CHRM2: variants seen among roughly 807,000 people sequenced by gnomAD.
CHRM2 encodes the protein cholinergic receptor muscarinic 2.
In CHRM2, 8 loss-of-function variants were observed where a neutral mutation model predicts 25.0. The ratio of observed to expected loss-of-function variants is 0.32; its 90% CI spans 0.19 to 0.58. The LOEUF is 0.58. Among genes scored for constraint, CHRM2 ranks in the 20% least tolerant of loss-of-function variants. The pLI, the probability that CHRM2 is intolerant of heterozygous loss-of-function variation, is 0.88. For missense variants in CHRM2, 440 were observed against 567.1 expected, an observed-to-expected ratio of 0.78 and a Z score of 2.28; for synonymous variants, 202 against 205.7, an observed-to-expected ratio of 0.98 and a Z score of 0.15.
At chr7:137,008,377 TA>T (rs1804589857) in intron 3 of CHRM2, among the ~76,000 whole-genome samples, 1 of 152,124 alleles carries the variant, frequency 6.6e-6, no homozygotes, top group East Asian at 1.9e-4. Flanking sequence ...GCTATGTATC[TA>T]AACATAATAT....
At chr7:136,903,094 C>T (rs548975510) in intron 2 of CHRM2, 16 of 528,332 alleles carry the variant, frequency 3.0e-5, no homozygotes, top group African/African-American at 2.1e-4. Context: ...AACAGAAACT[C>T]ATTTGGGCTA....
intron 2 of CHRM2, among the ~76,000 whole-genome samples, chr7:136,917,592 G>A (rs73158726): frequency 0.047 from 7,219 of 152,062 alleles, 230 homozygotes; most frequent in Non-Finnish European, 0.07. Context: ...ACAGAATGAG[G>A]TAAACAAGGA....
At chr7:136,927,182 A>G (rs1364408) in intron 2 of CHRM2, among the ~76,000 whole-genome samples, 20,555 of 152,194 alleles carry the variant, frequency 0.14, 1,903 homozygotes, top group East Asian at 0.38. Flanking sequence ...TAAGCACTCA[A>G]TATGTATTAG....
At chr7:137,014,763 T>C in intron 3 of CHRM2, 57 bp from the exon 4 acceptor site, 1 of 1,039,142 alleles carries the variant, frequency 9.6e-7, no homozygotes, top group Admixed American at 2.0e-5. Context: ...AACAACATTA[T>C]GTATTTTAAA....
intron 2 of CHRM2, among the ~76,000 whole-genome samples, chr7:136,882,239 C>T (rs190813324): frequency 1.8e-4 from 28 of 152,160 alleles, no homozygotes; most frequent in African/African-American, 6.7e-4. Context: ...TTCACATGGA[C>T]CTACTGTTTT....
At chr7:137,012,306 T>C (rs1374858087) in intron 3 of CHRM2, among the ~76,000 whole-genome samples, 1 of 152,004 alleles carries the variant, frequency 6.6e-6, no homozygotes, top group East Asian at 1.9e-4. Flanking sequence ...ACTGGGATAA[T>C]AAAATGTTTT....
chr7:136,984,644 A>T (rs1584877271), intron 2 of CHRM2, among the ~76,000 whole-genome samples: 1 of 152,174 alleles, frequency 6.6e-6, no homozygotes, highest in Non-Finnish European at 1.5e-5. Context: ...TATATGGGTT[A>T]GAGAGCACCA....
intron 3 of CHRM2, among the ~76,000 whole-genome samples, chr7:137,009,180 G>A (rs1025987961): frequency 6.6e-6 from 1 of 152,050 alleles, no homozygotes; most frequent in Non-Finnish European, 1.5e-5. Context: ...CCTCAGCAGT[G>A]TGTGAAGAAA....
chr7:136,871,789 G>C (rs1382530471), intron 2 of CHRM2: 1 of 152,184 alleles, frequency 6.6e-6, no homozygotes, highest in Non-Finnish European at 1.5e-5. Context: ...TTCAGAAAGT[G>C]GACTTTTGAG....
chr7:136,990,931 A>C (rs1422331084), intron 2 of CHRM2, among the ~76,000 whole-genome samples: 2 of 152,098 alleles, frequency 1.3e-5, no homozygotes, highest in Non-Finnish European at 2.9e-5. Flanking sequence ...AATGTGTAGT[A>C]GTTATCTCAT....
intron 2 of CHRM2, among the ~76,000 whole-genome samples, chr7:136,914,709 A>T (rs893507966): frequency 3.3e-5 from 5 of 151,968 alleles, no homozygotes; most frequent in African/African-American, 1.2e-4. Context: ...TTTGAGCCTC[A>T]GCTTTCTCAT....
Position 137,015,827 on chromosome 7 carries a change from A to G in CHRM2, c.962A>G (p.Lys321Arg), listed in dbSNP as rs767527482. 6.2e-7 allele frequency: 1 copy of G among 1,613,074 alleles called. No individual in the cohort carries two copies. The highest frequency in any genetic ancestry group is 1.3e-5 in the African/African-American group (1 of 74,954). The change falls in exon 4 of 4, where the codon AAG becomes AGG. Residue 321 changes from lysine to arginine, a missense_variant. By Grantham distance (26) the Lys-to-Arg change is conservative (BLOSUM62 2). This residue lies in a region of CHRM2 where 261 missense variants were observed against 261.8 expected (regional missense o/e 1.00). Transcript: ENST00000680005. The surrounding 1 kb of genome is among the most constrained non-coding windows in gnomAD (Gnocchi z 5.1). ...GGCCATTCCAAAGATGAGAACTCTA[A>G]GCAAACATGCATCAGAATTGGCACC... ...SLGHSKDENSKQTCIRIGTKT... is the reference protein window; with the variant it reads ...SLGHSKDENSRQTCIRIGTKT...
At chr7:136,950,039 G>A (rs1007610247) in intron 2 of CHRM2, among the ~76,000 whole-genome samples, 1 of 151,982 alleles carries the variant, frequency 6.6e-6, no homozygotes, top group Non-Finnish European at 1.5e-5. Context: ...TGTTGTTATT[G>A]CCTCTCTAGT....
At chr7:136,943,657 G>A (rs1799898546) in intron 2 of CHRM2, among the ~76,000 whole-genome samples, 2 of 151,926 alleles carry the variant, frequency 1.3e-5, no homozygotes, top group Non-Finnish European at 2.9e-5. Context: ...TAGGAAAAGA[G>A]TAAAAGAACT....
intron 3 of CHRM2, among the ~76,000 whole-genome samples, chr7:137,001,626 C>T (rs542648184): frequency 1.3e-4 from 20 of 152,132 alleles, no homozygotes; most frequent in South Asian, 1.2e-3. Context: ...GAGATTTGGC[C>T]GTGGCACACT....
Position 137,015,890 on chromosome 7 carries a change from C to T in CHRM2, c.1025C>T (p.Thr342Ile). The T allele has an allele frequency of 6.2e-7, 1 of 1,613,134 alleles. No homozygotes were observed. The highest frequency in any genetic ancestry group is 8.5e-7 in the Non-Finnish European group (1 of 1,179,460). Residue 342 changes from threonine (T) to isoleucine (I), a missense_variant, in exon 4 of 4, where the codon ACC becomes ATC. Thr to Ile is a moderately conservative substitution (Grantham distance 89, BLOSUM62 -1). This residue lies in a region of CHRM2 where 261 missense variants were observed against 261.8 expected (regional missense o/e 1.00). Transcript: ENST00000680005. This position sits in a 1 kb window ranked among gnomAD's most constrained non-coding sequence, Gnocchi z 5.1. The stretch of plus-strand genomic sequence containing the variant: ...AGTGACTCATGTACCCCAACTAATA[C>T]CACCGTGGAGGTAGTGGGGTCTTCA... ...PKSDSCTPTN[T>I]TVEVVGSSGQ...
At chr7:136,922,542 C>T (rs1441142977) in intron 2 of CHRM2, among the ~76,000 whole-genome samples, 3 of 152,198 alleles carry the variant, frequency 2.0e-5, no homozygotes, top group Non-Finnish European at 4.4e-5. Flanking sequence ...TTTCCATACT[C>T]TATGTCTACA....
At chr7:137,012,657 T>A (rs1584923944) in intron 3 of CHRM2, among the ~76,000 whole-genome samples, 1 of 152,030 alleles carries the variant, frequency 6.6e-6, no homozygotes, top group East Asian at 1.9e-4. Context: ...GAGTATTCCA[T>A]AATATATTTA....
intron 2 of CHRM2, chr7:136,903,472 G>A: frequency 1.5e-5 from 3 of 197,830 alleles, no homozygotes; most frequent in Admixed American, 6.3e-5. Flanking sequence ...TAAACTACTA[G>A]GATGAAAATA....
Sources: gnomAD v4.1 joint callset for allele counts (sites outside exome capture counted in the v4.1 genomes callset) on GRCh38, gnomAD v4.1.1 for gene constraint, gnomAD v4.1.1 regional missense constraint, Gnocchi (gnomAD v3.1) non-coding constraint, MANE v1.5 for transcripts, NCBI Gene and HGNC (gene_info 2026-07-23, HGNC 2026-07-21) for gene names.